PCDHGA1: variants seen among roughly 807,000 people sequenced by gnomAD.
PCDHGA1 encodes protocadherin gamma subfamily A, 1.
Under a neutral mutation model 58.0 loss-of-function variants are expected in PCDHGA1, and 32 were observed. The ratio of observed to expected loss-of-function variants is 0.55; its 90% confidence interval spans 0.42 to 0.74. PCDHGA1 has a LOEUF of 0.74. Among genes scored for constraint, PCDHGA1 ranks in the 30% least tolerant of loss-of-function variants. PCDHGA1 has a pLI of 0.00. For missense variants in PCDHGA1, 1,205 were observed against 1,182.3 expected, an observed-to-expected ratio of 1.02 and a Z score of -0.28; for synonymous variants, 498 against 501.1, an observed-to-expected ratio of 0.99 and a Z score of 0.08.
rs2094486958 is a variant in PCDHGA1, at chr5:141,404,117, A to C, written c.2421+71012A>C. 3 of 1,613,468 alleles carry C rather than the reference A, an allele frequency of 1.9e-6. No homozygotes were observed. Among genetic ancestry groups the C allele is most frequent in the Non-Finnish European group, 1.7e-6 (2 of 1,179,548 alleles). On this transcript the variant is annotated intron_variant, in intron 1 of 3. Coordinates refer to ENST00000517417, the MANE Select transcript of PCDHGA1 (RefSeq NM_018912.3). ...TCAAGTTGTCTGTTCTATCCAGGAG[A>C]ATCTATCTTTTACATTAGAAAATTC...
At chr5:141,351,234 C>A in intron 1 of PCDHGA1, 3 of 1,614,006 alleles carry the variant, frequency 1.9e-6, no homozygotes, top group Non-Finnish European at 2.5e-6. Context: ...GTACACACAG[C>A]TCACTGTAAT....
At chr5:141,394,557 G>T in intron 1 of PCDHGA1, 1 of 1,614,082 alleles carries the variant, frequency 6.2e-7, no homozygotes, top group South Asian at 1.1e-5. Context: ...GCCCCGCTCC[G>T]CAGAGCGTGG....
At chr5:141,418,072 G>A in intron 1 of PCDHGA1, 1 of 1,614,058 alleles carries the variant, frequency 6.2e-7, no homozygotes, top group Non-Finnish European at 8.5e-7. Context: ...TGAGCGCGGA[G>A]AAGCTGCACT....
At chr5:141,388,622 A>G (rs754411917) in intron 1 of PCDHGA1, 3 of 1,613,952 alleles carry the variant, frequency 1.9e-6, no homozygotes, top group South Asian at 1.1e-5. Flanking sequence ...GTCAAGACGT[A>G]TACAGGGTGA....
chr5:141,494,898 T>C, intron 2 of PCDHGA1, 33 bp downstream of exon 2: 1 of 1,614,074 alleles, frequency 6.2e-7, no homozygotes, highest in Non-Finnish European at 8.5e-7. Flanking sequence ...CACCCTCTTC[T>C]CTGCGGCATT....
At chr5:141,392,357 C>T (rs980934647) in intron 1 of PCDHGA1, 1 of 152,638 alleles carries the variant, frequency 6.6e-6, no homozygotes, top group Admixed American at 6.5e-5. Flanking sequence ...TAATCCGATG[C>T]TACAATCTGA....
chr5:141,351,454 C>T lies in PCDHGA1; in HGVS notation c.2421+18349C>T, dbSNP rs920289280. The T allele has an allele frequency of 2.5e-6, 4 of 1,613,146 alleles. No homozygotes were observed. The African/African-American group carries it at 5.3e-5, about 22-fold the overall frequency. ...TAGAATCCACCTCGAAGAATTATTA[C>T]AAGCTGGTGATTGCTGGAGCCCTAA... On this transcript the variant is annotated intron_variant, in intron 1 of 3. Transcript: ENST00000517417.
At chr5:141,356,240 TCA>T in intron 1 of PCDHGA1, 1 of 1,584,290 alleles carries the variant, frequency 6.3e-7, no homozygotes, top group Non-Finnish European at 8.6e-7. Context: ...GCACCAGAAG[TCA>T]CAGTTACATC....
intron 1 of PCDHGA1, chr5:141,420,220 A>G (rs2096478738): frequency 6.2e-7 from 1 of 1,608,142 alleles, no homozygotes; most frequent in African/African-American, 1.3e-5. Flanking sequence ...ATAGCATGCT[A>G]CTGGCTAGCA....
rs776374898 is a variant in PCDHGA1, at chr5:141,414,958, G to A, written c.2422-79849G>A. ...AGAGCCCGGCTACCTGGTGACCAAG[G>A]TGGTGGCGGTGGACAGAGACTCCGG... On this transcript the variant is annotated intron_variant, in intron 1 of 3. Coordinates refer to ENST00000517417, the MANE Select transcript of PCDHGA1 (RefSeq NM_018912.3). The A allele has an allele frequency of 3.7e-6, 6 of 1,614,024 alleles. No homozygotes were observed. The South Asian group carries it at 4.4e-5, about 12-fold the overall frequency.
At chr5:141,436,211 C>T (rs12108692) in intron 1 of PCDHGA1, among the ~76,000 whole-genome samples, 2,997 of 152,100 alleles carry the variant, frequency 0.02, 43 homozygotes, top group African/African-American at 0.029. Flanking sequence ...AATAGGAAAA[C>T]AAATGACTTG....
chr5:141,431,968 T>G lies in PCDHGA1; in HGVS notation c.2422-62839T>G, dbSNP rs571981127. 6.2e-7 allele frequency: 1 copy of G among 1,614,190 alleles called. No individual in the cohort carries two copies. Among genetic ancestry groups the G allele is most frequent in the Admixed American group, 1.7e-5 (1 of 60,024 alleles). On this transcript the variant is annotated intron_variant, in intron 1 of 3. Coordinates refer to ENST00000517417, the MANE Select transcript of PCDHGA1 (RefSeq NM_018912.3). The surrounding 1 kb of genome is among the most constrained non-coding windows in gnomAD (Gnocchi z 4.8). ...AAAAATCTTACGGAAATTACTATAGTTTAGTCACAGACATAGTCTTGGATA... is the reference window on the plus strand; with the variant it reads ...AAAAATCTTACGGAAATTACTATAGGTTAGTCACAGACATAGTCTTGGATA...
chr5:141,430,637 G>A (rs2097298854), intron 1 of PCDHGA1: 1 of 890,676 alleles, frequency 1.1e-6, no homozygotes, highest in Admixed American at 2.8e-5. Context: ...ACCATCCCTG[G>A]GAGTATGTGG....
rs759756007 is a variant in PCDHGA1 at position 141,476,248 on chromosome 5, T to C, written c.2422-18559T>C. 2 of 1,613,856 alleles carry C rather than the reference T, an allele frequency of 1.2e-6. No individual in the cohort carries two copies. Among genetic ancestry groups the C allele is most frequent in the South Asian group, 2.2e-5 (2 of 91,050 alleles). On this transcript the variant is annotated intron_variant, in intron 1 of 3. Transcript: ENST00000517417. The surrounding 1 kb of genome is among the most constrained non-coding windows in gnomAD (Gnocchi z 7.6). The stretch of plus-strand genomic sequence containing the variant: ...AGATCCCGGAGGAAAGAGAGAAGGG[T>C]TTCGCTGTGGGCAACGTGGTCGCGA...
intron 1 of PCDHGA1, chr5:141,351,061 T>C (rs1474719299): frequency 1.2e-6 from 2 of 1,614,060 alleles, no homozygotes; most frequent in South Asian, 1.1e-5. Context: ...CAGACCAGGA[T>C]GAGGGCATTA....
At chr5:141,365,237 A>G (rs765751985) in intron 1 of PCDHGA1, 2 of 1,613,962 alleles carry the variant, frequency 1.2e-6, no homozygotes, top group East Asian at 4.5e-5. Flanking sequence ...GGAAATCTCA[A>G]CTCTACAATC....
chr5:141,388,558 C>T (rs928285766), intron 1 of PCDHGA1: 21 of 1,613,792 alleles, frequency 1.3e-5, no homozygotes, highest in African/African-American at 2.7e-5. Flanking sequence ...CTAAGCAGCA[C>T]TGCACAGATA....
intron 1 of PCDHGA1, chr5:141,408,708 A>G (rs773303576): frequency 6.2e-6 from 10 of 1,612,888 alleles, no homozygotes; most frequent in Non-Finnish European, 8.5e-6. Flanking sequence ...TCAATTAAAG[A>G]TTATAAGATA....
chr5:141,410,485 A>G, intron 1 of PCDHGA1: 3 of 1,614,016 alleles, frequency 1.9e-6, no homozygotes, highest in Non-Finnish European at 1.7e-6. Flanking sequence ...ATACGGGTAC[A>G]AAAGAGTTTA....
Sources: gnomAD v4.1 joint callset for allele counts (sites outside exome capture counted in the v4.1 genomes callset) on GRCh38, gnomAD v4.1.1 for gene constraint, Gnocchi (gnomAD v3.1) non-coding constraint, MANE v1.5 for transcripts, NCBI Gene and HGNC (gene_info 2026-07-23, HGNC 2026-07-21) for gene names.